Variants in SPINK9 observed in about 807,000 individuals in gnomAD.
SPINK9 encodes serine protease inhibitor Kazal-type 9.
SPINK9 carries 3 observed loss-of-function variants against 10.8 expected under a neutral mutation model. The ratio of observed to expected loss-of-function variants is 0.28; its 90% confidence interval spans 0.13 to 0.72. The LOEUF (loss-of-function observed/expected upper bound fraction) is 0.72. SPINK9 is among the 30% of genes least tolerant of loss of function. The probability of loss-of-function intolerance (pLI) is 0.74; values close to 1 mark genes in which losing one functional copy is unlikely to be tolerated. For synonymous variants in SPINK9, 30 were observed against 31.2 expected (o/e 0.96, Z 0.12); for missense variants, 101 against 103.2 (o/e 0.98, Z 0.09).
upstream of SPINK9, among the ~76,000 whole-genome samples, chr5:148,334,944 C>A (rs1257342163): frequency 2.0e-5 from 3 of 152,120 alleles, no homozygotes; most frequent in Non-Finnish European, 4.4e-5. Flanking sequence ...GTGCAAGATT[C>A]CCAAAGTTTC....
intron 3 of SPINK9, 93 bp downstream of exon 3, chr5:148,338,698 G>T: frequency 1.0e-6 from 1 of 963,930 alleles, no homozygotes; most frequent in Non-Finnish European, 1.5e-6. Flanking sequence ...AGGAATATGT[G>T]AATCATATCA....
At chr5:148,335,103 CCT>C (rs1001451584), upstream of SPINK9, among the ~76,000 whole-genome samples, 3 of 152,178 alleles carry the variant, frequency 2.0e-5, no homozygotes, top group African/African-American at 7.2e-5. Context: ...TCCAATTCTA[CCT>C]ACAACACCTG....
chr5:148,339,580 T>C (rs1757262473), intron 3 of SPINK9, 87 bp from the exon 4 acceptor site: 1 of 1,148,150 alleles, frequency 8.7e-7, no homozygotes, highest in East Asian at 2.4e-5. Flanking sequence ...CTTGAATACA[T>C]TTTTGGGATT....
chr5:148,323,824 A>T, exon 2 of SPINK9: 1 of 701,778 alleles, frequency 1.4e-6, no homozygotes, highest in Non-Finnish European at 2.6e-6. Context: ...GAACACAATG[A>T]ACCCAGGAGA....
At chr5:148,336,530 T>G in intron 2 of SPINK9, 77 bp downstream of exon 2, 1 of 1,381,608 alleles carries the variant, frequency 7.2e-7, no homozygotes, top group Non-Finnish European at 1.0e-6. Context: ...ACACAGTAAT[T>G]AAATTTCTAT....
upstream of SPINK9, among the ~76,000 whole-genome samples, chr5:148,332,934 T>C (rs1170148693): frequency 1.5e-5 from 2 of 135,524 alleles, no homozygotes; most frequent in Non-Finnish European, 3.1e-5. Context: ...GAGAAACTTA[T>C]ACAGTAATTT....
At chr5:148,328,114 A>C (rs960159513) in intron 2 of SPINK9, among the ~76,000 whole-genome samples, 3 of 152,120 alleles carry the variant, frequency 2.0e-5, no homozygotes, top group African/African-American at 7.2e-5. Flanking sequence ...CCATTTTCAC[A>C]ATATTGATTC....
Position 148,339,628 on chromosome 5 carries a change from G to A in SPINK9, c.216-39G>A, listed in dbSNP as rs79512421. On this transcript the variant is annotated intron_variant, in intron 3 of 3. Transcript: ENST00000377906. ...TTGGATGCTAATGAAATGCCTATGG[G>A]CTCAGCATTTCTCATTTGTTGCTAT... 9,709 of 1,580,744 alleles carry A rather than the reference G, an allele frequency of 6.1e-3. 500 individuals are homozygous for A. The African/African-American group carries it at 0.11, about 18-fold the overall frequency.
At chr5:148,335,704 A>C (rs376077766) in intron 1 of SPINK9, 36 bp downstream of exon 1, 1 of 1,605,064 alleles carries the variant, frequency 6.2e-7, no homozygotes, top group Non-Finnish European at 8.5e-7. Flanking sequence ...CTGCCCTTGT[A>C]CTAATAGCTC....
upstream of SPINK9, among the ~76,000 whole-genome samples, chr5:148,335,198 T>C (rs553570332): frequency 1.3e-5 from 2 of 152,316 alleles, no homozygotes; most frequent in Admixed American, 6.5e-5. Flanking sequence ...GTAGCCTTTA[T>C]TAAAGAATTC....
intron 2 of SPINK9, among the ~76,000 whole-genome samples, chr5:148,328,093 G>A (rs1001576232): frequency 2.0e-5 from 3 of 152,178 alleles, no homozygotes; most frequent in Admixed American, 1.3e-4. Flanking sequence ...AAATTACCTT[G>A]GGCAGTATGG....
At position 148,336,494 on chromosome 5, in the gene SPINK9, A is replaced by G. The variant is rs375377857; in HGVS notation, c.87+41A>G. 1.4e-5 allele frequency: 22 copies of G among 1,585,908 alleles called. No homozygotes were observed. In the Middle Eastern group the frequency reaches 1.0e-3, roughly 72 times the overall value. On this transcript the variant is annotated intron_variant, in intron 2 of 3. Transcript: ENST00000377906. Reference sequence around the variant, plus strand: ...CTACTTTTATGTAATTTTAAAGTCAATATCAGTAAGGAAATATTTGATACT... The same window carrying G: ...CTACTTTTATGTAATTTTAAAGTCAGTATCAGTAAGGAAATATTTGATACT...
intron 2 of SPINK9, among the ~76,000 whole-genome samples, chr5:148,325,836 T>C (rs925660598): frequency 6.6e-6 from 1 of 152,190 alleles, no homozygotes; most frequent in Non-Finnish European, 1.5e-5. Context: ...CTTTGGGTTT[T>C]TTCTAAAAGT....
chr5:148,336,568 G>A, intron 2 of SPINK9, 115 bp downstream of exon 2: 2 of 1,170,846 alleles, frequency 1.7e-6, no homozygotes, highest in South Asian at 2.8e-5. Context: ...TTATGTGTAT[G>A]AAAACTGGTT....
At chr5:148,322,134 C>T (rs934987608) in intron 1 of SPINK9, among the ~76,000 whole-genome samples, 1 of 151,950 alleles carries the variant, frequency 6.6e-6, no homozygotes. Flanking sequence ...GACTTTATAC[C>T]CCATATGTTT....
chr5:148,330,203 C>T lies in SPINK9; in HGVS notation c.119-6219C>T, dbSNP rs945825105. Among the ~76,000 whole-genome samples, 258 of 152,164 alleles carry T rather than the reference C, an allele frequency of 1.7e-3. 1 individual carries two copies. Among genetic ancestry groups the T allele is most frequent in the Non-Finnish European group, 2.4e-3 (166 of 67,966 alleles). On this transcript the variant is annotated intron_variant, in intron 2 of 4. Coordinates refer to the SPINK9 transcript ENST00000511717. The stretch of plus-strand genomic sequence containing the variant: ...TCTGGGTGCTCCTGTATTGGGTGCA[C>T]ATTTATTTAGGATAGTTAGTTCTTC...
At chr5:148,321,711 T>A (rs896490504) in intron 1 of SPINK9, among the ~76,000 whole-genome samples, 1 of 152,192 alleles carries the variant, frequency 6.6e-6, no homozygotes, top group Non-Finnish European at 1.5e-5. Context: ...ATGACCTGTA[T>A]GAGCAAAAAT....
In SPINK9 at chr5:148,335,581, C is replaced by T; in HGVS notation, c.-33C>T. The T allele has an allele frequency of 1.2e-6, 2 of 1,609,554 alleles. No individual in the cohort carries two copies. On this transcript the variant is annotated 5_prime_UTR_variant, in exon 1 of 4. Transcript: ENST00000377906. ...GACGGACACCAGGTCACTTCTTTTCCCTACATCTGACTGCCTTGGCCACTT... is the reference window on the plus strand; with the variant it reads ...GACGGACACCAGGTCACTTCTTTTCTCTACATCTGACTGCCTTGGCCACTT...
At chr5:148,324,481 T>A (rs1757033959) in intron 2 of SPINK9, among the ~76,000 whole-genome samples, 1 of 152,084 alleles carries the variant, frequency 6.6e-6, no homozygotes, top group African/African-American at 2.4e-5. Flanking sequence ...ATCAACATCA[T>A]ATATACTGGC....
Sources: gnomAD v4.1 joint callset for allele counts (sites outside exome capture counted in the v4.1 genomes callset) on GRCh38, gnomAD v4.1.1 for gene constraint, MANE v1.5 for transcripts, NCBI Gene and HGNC (gene_info 2026-07-23, HGNC 2026-07-21) for gene names.